The following HPSE2 variants were observed in gnomAD, a reference collection of about 807,000 sequenced individuals.
The protein encoded by HPSE2 is inactive heparanase-2.
In HPSE2, 38 loss-of-function variants were observed where a neutral mutation model predicts 60.5. That is an observed-to-expected ratio of 0.63 (90% CI 0.48 to 0.82). The LOEUF is 0.82. Ranked by LOEUF, HPSE2 falls within the 40% of genes least tolerant of loss-of-function variation. HPSE2 has a pLI of 0.00. For missense variants in HPSE2, 713 were observed against 740.4 expected (o/e 0.96, Z 0.43); for synonymous variants, 295 against 293.2 (o/e 1.01, Z -0.06).
At chr10:99,142,989 C>A (rs1564841190) in intron 3 of HPSE2, among the ~76,000 whole-genome samples, 5 of 152,046 alleles carry the variant, frequency 3.3e-5, no homozygotes, top group Admixed American at 1.3e-4. Flanking sequence ...CACACATGCA[C>A]AAATACATAT....
rs144194248 is a variant in HPSE2 at position 99,179,208 on chromosome 10, A to G, written c.449-34809T>C. Among the ~76,000 whole-genome samples, 433 of 152,318 alleles carry G rather than the reference A, an allele frequency of 2.8e-3. 3 individuals are homozygous for G. The highest frequency in any genetic ancestry group is 9.9e-3 in the African/African-American group (412 of 41,580). ...AGAAGTATTCCCTTTGAAAACCAGC[A>G]AAAGACAAGGATGCCCTCTCTAACC... is the stretch of plus-strand genomic sequence containing the variant. On this transcript the variant is annotated intron_variant, in intron 2 of 11. Coordinates refer to ENST00000370552, the MANE Select transcript of HPSE2 (RefSeq NM_021828.5).
chr10:99,018,727 C>T (rs1320814609), intron 3 of HPSE2, among the ~76,000 whole-genome samples: 2 of 151,920 alleles, frequency 1.3e-5, no homozygotes, highest in Non-Finnish European at 2.9e-5. Flanking sequence ...ATCTTCAATA[C>T]AAAGAAAAAG....
At chr10:99,030,725 G>T in intron 3 of HPSE2, among the ~76,000 whole-genome samples, 1 of 152,150 alleles carries the variant, frequency 6.6e-6, no homozygotes, top group East Asian at 1.9e-4. Context: ...CAATAGCCAA[G>T]ATTTGGAAGC....
chr10:99,181,323 G>A (rs1253765547), intron 2 of HPSE2, among the ~76,000 whole-genome samples: 8 of 146,772 alleles, frequency 5.5e-5, no homozygotes, highest in African/African-American at 1.3e-4. Flanking sequence ...GCGTGAACCC[G>A]GGAGGCGGAG....
intron 3 of HPSE2, among the ~76,000 whole-genome samples, chr10:99,108,202 T>C (rs1844321353): frequency 6.6e-6 from 1 of 152,170 alleles, no homozygotes; most frequent in Non-Finnish European, 1.5e-5. Flanking sequence ...AAGAGACAGG[T>C]AACTAGGCAG....
chr10:98,461,025 G>A (rs1940265093), intron 11 of HPSE2, among the ~76,000 whole-genome samples: 2 of 152,258 alleles, frequency 1.3e-5, no homozygotes, highest in Admixed American at 1.3e-4. Flanking sequence ...TCTGGGCCTT[G>A]CCCAACCTCC....
At chr10:98,715,488 A>G (rs1589693471) in intron 5 of HPSE2, among the ~76,000 whole-genome samples, 1 of 151,652 alleles carries the variant, frequency 6.6e-6, no homozygotes, top group African/African-American at 2.4e-5. Context: ...TTTTTCTTTC[A>G]TGCTACTGAT....
rs562891202 is a variant in HPSE2, at chr10:98,879,009, T to C, written c.611-134953A>G. Reference sequence around the variant, plus strand: ...TGTCTAGCAACTGGGAGAAGAACGATGTCCTTTATCAAAGAGATAATTCTA... The same window carrying C: ...TGTCTAGCAACTGGGAGAAGAACGACGTCCTTTATCAAAGAGATAATTCTA... On this transcript the variant is annotated intron_variant, in intron 3 of 11. Transcript: ENST00000370552. 1.9e-3 allele frequency among the ~76,000 whole-genome samples: 288 copies of C among 152,106 alleles called. 1 individual carries two copies. The highest frequency in any genetic ancestry group is 6.7e-3 in the African/African-American group (278 of 41,548).
intron 3 of HPSE2, among the ~76,000 whole-genome samples, chr10:98,986,707 G>C (rs905144891): frequency 6.7e-6 from 1 of 149,740 alleles, no homozygotes; most frequent in Non-Finnish European, 1.5e-5. Flanking sequence ...TCCAGGAGCT[G>C]GTTTTTTGAA....
intron 3 of HPSE2, among the ~76,000 whole-genome samples, chr10:98,876,803 C>G (rs967496617): frequency 6.6e-6 from 1 of 151,864 alleles, no homozygotes; most frequent in African/African-American, 2.4e-5. Context: ...ACAATCTTAG[C>G]TGAGATTATT....
At chr10:99,274,433 A>G in the HPSE2 span, among the ~76,000 whole-genome samples, 2 of 152,340 alleles carry the variant, frequency 1.3e-5, no homozygotes, top group South Asian at 4.1e-4. Context: ...AAATTTAAAA[A>G]AAACCCTTCA....
chr10:98,987,335 G>A (rs935762135), intron 3 of HPSE2, among the ~76,000 whole-genome samples: 1 of 152,094 alleles, frequency 6.6e-6, no homozygotes, highest in African/African-American at 2.4e-5. Flanking sequence ...TGCAAGGCTG[G>A]TTCAACACAA....
At chr10:99,142,355 T>C (rs1441399205) in intron 3 of HPSE2, among the ~76,000 whole-genome samples, 2 of 152,232 alleles carry the variant, frequency 1.3e-5, no homozygotes, top group African/African-American at 4.8e-5. Context: ...AACCACACTG[T>C]GTAAAATCAA....
At position 99,186,542 on chromosome 10, in the gene HPSE2, C is replaced by CAAAAAAAAAAAA. The variant is rs60186369; in HGVS notation, c.449-42155_449-42144dup. ...TAGGTGACAGAGTGAGACTCCATCT[C>CAAAAAAAAAAAA]AAAAAAAAAAAAAAAAAAAAAAAAA... On this transcript the variant is annotated intron_variant, in intron 2 of 11. Transcript: ENST00000370552. 2.9e-4 allele frequency among the ~76,000 whole-genome samples: 17 copies of CAAAAAAAAAAAA among 59,482 alleles called. 1 individual carries two copies. Among genetic ancestry groups the CAAAAAAAAAAAA allele is most frequent in the Middle Eastern group, 0.016 (1 of 64 alleles). The allele number at this position is 59,482 out of a possible 152,430, so 39.0% of individuals were successfully genotyped here.
intron 3 of HPSE2, among the ~76,000 whole-genome samples, chr10:98,862,692 G>A (rs1393481835): frequency 2.0e-5 from 3 of 152,190 alleles, no homozygotes; most frequent in African/African-American, 4.8e-5. Flanking sequence ...AAAGAGTAGA[G>A]TAGGCAAGAG....
chr10:98,976,938 G>A (rs1956099983), intron 3 of HPSE2, among the ~76,000 whole-genome samples: 1 of 152,072 alleles, frequency 6.6e-6, no homozygotes, highest in Admixed American at 6.6e-5. Context: ...AGAAGAGGAG[G>A]CAATGTGACA....
chr10:98,680,322 C>CA (rs1947752003), intron 6 of HPSE2, among the ~76,000 whole-genome samples: 1 of 151,976 alleles, frequency 6.6e-6, no homozygotes. Flanking sequence ...TGTATCTATC[C>CA]AGTATCAGCA....
chr10:98,674,118 T>C (rs573052627), intron 6 of HPSE2, among the ~76,000 whole-genome samples: 31 of 152,326 alleles, frequency 2.0e-4, no homozygotes, highest in African/African-American at 7.2e-4. Context: ...TAACTTTATA[T>C]AAAGAAGCTA....
At chr10:98,835,500 G>A (rs1951770690) in intron 3 of HPSE2, among the ~76,000 whole-genome samples, 1 of 151,958 alleles carries the variant, frequency 6.6e-6, no homozygotes, top group South Asian at 2.1e-4. Context: ...GGTTAATTGG[G>A]GCAATGCACA....
Sources: allele counts gnomAD v4.1 joint callset (sites outside exome capture counted in the v4.1 genomes callset), GRCh38; gene constraint gnomAD v4.1.1; transcripts MANE v1.5; gene names NCBI Gene and HGNC (gene_info 2026-07-23, HGNC 2026-07-21).